Variants in MTUS2 observed in about 807,000 individuals in gnomAD.
MTUS2 encodes the protein microtubule-associated tumor suppressor candidate 2.
MTUS2 carries 40 observed loss-of-function variants against 114.1 expected under a neutral mutation model. The observed-to-expected ratio is 0.35, with a 90% CI of 0.27 to 0.46. The LOEUF (loss-of-function observed/expected upper bound fraction) is 0.46. MTUS2 is among the 20% of genes least tolerant of loss of function. MTUS2 has a pLI of 1.00. For missense variants in MTUS2, 1,679 were observed against 1,705.4 expected, an observed-to-expected ratio of 0.98 and a Z score of 0.27; for synonymous variants, 688 against 672.0, an observed-to-expected ratio of 1.02 and a Z score of -0.37.
intron 5 of MTUS2, among the ~76,000 whole-genome samples, chr13:29,188,052 T>G (rs1209711312): frequency 6.6e-6 from 1 of 152,252 alleles, no homozygotes; most frequent in Non-Finnish European, 1.5e-5. Flanking sequence ...TCAAAAATTA[T>G]AAATTACTGA....
At chr13:29,104,643 A>T (rs77625770) in intron 5 of MTUS2, among the ~76,000 whole-genome samples, 1 of 152,176 alleles carries the variant, frequency 6.6e-6, no homozygotes, top group Admixed American at 6.5e-5. Flanking sequence ...CAGCACCTGC[A>T]TGTGTATCGT....
intron 2 of MTUS2, among the ~76,000 whole-genome samples, chr13:28,931,731 A>G (rs1021638669): frequency 2.6e-5 from 4 of 152,298 alleles, no homozygotes; most frequent in Non-Finnish European, 4.4e-5. Context: ...CACAACGTGC[A>G]GGTTTGTTAC....
chr13:28,894,079 T>G (rs1275306474), intron 2 of MTUS2, among the ~76,000 whole-genome samples: 1 of 151,710 alleles, frequency 6.6e-6, no homozygotes, highest in Non-Finnish European at 1.5e-5. Flanking sequence ...TTAACTTCCC[T>G]CTTCATCTCT....
chr13:29,140,560 C>T (rs1296626447), intron 5 of MTUS2, among the ~76,000 whole-genome samples: 1 of 152,168 alleles, frequency 6.6e-6, no homozygotes, highest in Non-Finnish European at 1.5e-5. Context: ...TGGTGGTGTT[C>T]TGAACAAATT....
At chr13:29,278,365 T>C (rs9314947) in intron 5 of MTUS2, among the ~76,000 whole-genome samples, 72,936 of 151,864 alleles carry the variant, frequency 0.48, 17,981 homozygotes, top group Non-Finnish European at 0.55. Flanking sequence ...GTATTTGAAA[T>C]ATATCAGTAT....
At chr13:29,430,418 A>T (rs1876901497) in intron 8 of MTUS2, among the ~76,000 whole-genome samples, 1 of 152,198 alleles carries the variant, frequency 6.6e-6, no homozygotes, top group South Asian at 2.1e-4. Context: ...AGATAATTTA[A>T]TGTTACTTCA....
intron 5 of MTUS2, among the ~76,000 whole-genome samples, chr13:29,168,888 C>CTGTGTGTGTGTG (rs57636866): frequency 0.04 from 5,539 of 138,254 alleles, 165 homozygotes; most frequent in South Asian, 0.047. Context: ...CTTTATGAAT[C>CTGTGTGTGTGTG]TGTGTGTGTG....
chr13:29,106,392 T>C (rs1007889430), intron 5 of MTUS2, among the ~76,000 whole-genome samples: 2 of 152,032 alleles, frequency 1.3e-5, no homozygotes, highest in East Asian at 3.9e-4. Context: ...GGAGACGGAG[T>C]CTTGCTCTGT....
chr13:28,995,582 G>A (rs535777330), intron 2 of MTUS2, among the ~76,000 whole-genome samples: 1 of 152,196 alleles, frequency 6.6e-6, no homozygotes, highest in East Asian at 1.9e-4. Flanking sequence ...TCATTGAGCA[G>A]TGGTTTGTAG....
At chr13:29,361,924 G>T (rs1028598586) in intron 8 of MTUS2, among the ~76,000 whole-genome samples, 1 of 152,174 alleles carries the variant, frequency 6.6e-6, no homozygotes, top group African/African-American at 2.4e-5. Context: ...GAGAGAGGAC[G>T]CAGTGCTAAC....
rs140545753 is a variant in MTUS2, at chr13:28,865,705, G to A, written c.-243+25855G>A. 7.2e-3 allele frequency among the ~76,000 whole-genome samples: 1,101 copies of A among 152,190 alleles called. 14 individuals carry two copies. Among genetic ancestry groups the A allele is most frequent in the East Asian group, 0.034 (177 of 5,178 alleles). ...ATGGATGGATTATGGCTTGTCTGGG[G>A]GTATTTCTCTTGAAATTAGCCCATT... is the stretch of plus-strand genomic sequence containing the variant. On this transcript the variant is annotated intron_variant, in intron 2 of 15. Transcript: ENST00000612955.
At chr13:29,069,073 G>A (rs935037305) in intron 4 of MTUS2, among the ~76,000 whole-genome samples, 1 of 152,146 alleles carries the variant, frequency 6.6e-6, no homozygotes, top group Non-Finnish European at 1.5e-5. Flanking sequence ...GAGGGTAGGG[G>A]ATGGAGAGAA....
chr13:29,037,023 T>C (rs1887110545), intron 4 of MTUS2, among the ~76,000 whole-genome samples: 1 of 152,182 alleles, frequency 6.6e-6, no homozygotes, highest in South Asian at 2.1e-4. Flanking sequence ...AAGGTTAATA[T>C]TGTTATGTGT....
intron 4 of MTUS2, among the ~76,000 whole-genome samples, chr13:29,080,101 A>T (rs1486670105): frequency 1.3e-5 from 2 of 152,152 alleles, no homozygotes. Context: ...AGAGTAAAAG[A>T]TTTATACTTC....
intron 8 of MTUS2, among the ~76,000 whole-genome samples, chr13:29,412,443 C>G (rs1269352186): frequency 6.6e-6 from 1 of 152,066 alleles, no homozygotes; most frequent in Non-Finnish European, 1.5e-5. Context: ...TGTATTATTT[C>G]CATTCTGTGG....
chr13:29,075,545 G>A (rs1003198748), intron 4 of MTUS2, among the ~76,000 whole-genome samples: 7 of 152,120 alleles, frequency 4.6e-5, no homozygotes, highest in African/African-American at 1.7e-4. Context: ...AAGTTTGTGA[G>A]TCTGCTATGA....
chr13:29,060,743 T>C (rs1456941918), intron 4 of MTUS2, among the ~76,000 whole-genome samples: 1 of 151,766 alleles, frequency 6.6e-6, no homozygotes, highest in African/African-American at 2.4e-5. Context: ...TCGTTTTCTA[T>C]TTGACCTATT....
intron 2 of MTUS2, among the ~76,000 whole-genome samples, chr13:28,991,928 C>T (rs981834664): frequency 1.3e-5 from 2 of 152,164 alleles, no homozygotes; most frequent in African/African-American, 2.4e-5. Context: ...TACCTGGGAA[C>T]TTGTGCAATC....
At chr13:29,223,845 C>A (rs1434031627) in intron 5 of MTUS2, among the ~76,000 whole-genome samples, 6 of 152,236 alleles carry the variant, frequency 3.9e-5, no homozygotes, top group Admixed American at 6.5e-5. Context: ...TTCTGCAGTT[C>A]CTTTTGTCCT....
Sources: allele counts gnomAD v4.1 joint callset (sites outside exome capture counted in the v4.1 genomes callset), GRCh38; gene constraint gnomAD v4.1.1; transcripts MANE v1.5; gene names NCBI Gene and HGNC (gene_info 2026-07-23, HGNC 2026-07-21).